The following XRCC6 variants were observed in gnomAD, a reference collection of about 807,000 sequenced individuals.
The protein encoded by XRCC6 is X-ray repair cross complementing 6.
Under a neutral mutation model 65.7 loss-of-function variants are expected in XRCC6, and 5 were observed. That is an observed-to-expected ratio of 0.08 (90% CI 0.04 to 0.16). The LOEUF (loss-of-function observed/expected upper bound fraction) is 0.16. XRCC6 is among the 10% of genes least tolerant of loss of function. XRCC6 has a pLI of 1.00. For synonymous variants in XRCC6, 270 were observed against 270.6 expected (o/e 1.00, Z 0.02); for missense variants, 447 against 738.1 (o/e 0.61, Z 4.57).
intron 12 of XRCC6, among the ~76,000 whole-genome samples, chr22:41,663,112 G>GT (rs941364151): frequency 6.6e-6 from 1 of 151,708 alleles, no homozygotes; most frequent in African/African-American, 2.4e-5. Context: ...TCCTTTTTTT[G>GT]TTTTTAGACA....
In XRCC6 at chr22:41,661,534, T is replaced by C. The variant is rs1030429382; in HGVS notation, c.1636+90T>C. The C allele has an allele frequency of 1.2e-5, 13 of 1,090,114 alleles. No homozygotes were observed. The Admixed American group carries it at 1.4e-4, about 12-fold the overall frequency. The allele number at this position is 1,090,114 out of a possible 1,614,324, so 67.5% of individuals were successfully genotyped here. On this transcript the variant is annotated intron_variant, in intron 12 of 12. Transcript: ENST00000360079. ...AGTGGGCAATATCCTTTCAGAAATA[T>C]CTATTCACAGTCTAGTTAAAATGGC...
intron 7 of XRCC6, 106 bp from the exon 8 acceptor site, chr22:41,650,617 C>A: frequency 8.1e-7 from 1 of 1,234,442 alleles, no homozygotes; most frequent in Non-Finnish European, 1.1e-6. Flanking sequence ...CATCTTCCTG[C>A]TCCTTAGAAG....
chr22:41,649,142 ATATATATATATAT>A (rs1569093141), intron 7 of XRCC6, among the ~76,000 whole-genome samples: 7 of 122,950 alleles, frequency 5.7e-5, no homozygotes, highest in Non-Finnish European at 9.6e-5. Context: ...AAAAAAAAAT[ATATATATATATAT>A]ATATATATGT....
At chr22:41,652,059 C>T (rs527500058) in intron 8 of XRCC6, among the ~76,000 whole-genome samples, 2 of 152,274 alleles carry the variant, frequency 1.3e-5, no homozygotes, top group South Asian at 4.1e-4. Context: ...GCTGAGATTA[C>T]AGGCGTGAGC....
intron 3 of XRCC6, among the ~76,000 whole-genome samples, chr22:41,634,663 A>G (rs887826106): frequency 8.0e-5 from 12 of 150,332 alleles, no homozygotes; most frequent in African/African-American, 1.7e-4. Flanking sequence ...TCCTGCCTCA[A>G]CCTCCTGAGT....
At chr22:41,634,284 C>G (rs2067786620) in intron 3 of XRCC6, among the ~76,000 whole-genome samples, 1 of 151,562 alleles carries the variant, frequency 6.6e-6, no homozygotes, top group Admixed American at 6.6e-5. Context: ...CTCCTGTGCT[C>G]AGGTGATCCT....
At chr22:41,650,917 T>C in intron 8 of XRCC6, 26 bp downstream of exon 8, 1 of 1,613,536 alleles carries the variant, frequency 6.2e-7, no homozygotes, top group East Asian at 2.2e-5. Flanking sequence ...CATGGATGAG[T>C]GACTCTAACA....
chr22:41,656,259 G>T (rs1490518050), intron 9 of XRCC6, among the ~76,000 whole-genome samples: 1 of 148,720 alleles, frequency 6.7e-6, no homozygotes, highest in Non-Finnish European at 1.5e-5. Context: ...GGTACCTCAC[G>T]TCTGTAATCC....
chr22:41,655,843 C>T (rs573559228), intron 9 of XRCC6, among the ~76,000 whole-genome samples: 11 of 151,872 alleles, frequency 7.2e-5, no homozygotes, highest in African/African-American at 2.7e-4. Flanking sequence ...TGCTTACCGA[C>T]GTGAGCCACC....
intron 3 of XRCC6, among the ~76,000 whole-genome samples, chr22:41,632,541 G>A (rs1372455304): frequency 6.6e-6 from 1 of 152,040 alleles, no homozygotes. Flanking sequence ...AACTGGGGAG[G>A]TGGACGTTGC....
intron 11 of XRCC6, among the ~76,000 whole-genome samples, chr22:41,658,789 G>T (rs1192407417): frequency 6.6e-6 from 1 of 152,136 alleles, no homozygotes; most frequent in Non-Finnish European, 1.5e-5. Context: ...AAATTAGCTG[G>T]GTGTGGTGGC....
At chr22:41,663,437 GT>G (rs1218456980) in intron 12 of XRCC6, among the ~76,000 whole-genome samples, 184 bp from the exon 13 acceptor site, 2 of 152,044 alleles carry the variant, frequency 1.3e-5, no homozygotes, top group African/African-American at 4.8e-5. Flanking sequence ...TGTGATCTGT[GT>G]TTTATTTTGC....
intron 1 of XRCC6, chr22:41,621,657 T>G: frequency 4.0e-6 from 1 of 247,068 alleles, no homozygotes; most frequent in Non-Finnish European, 8.0e-6. Context: ...TGGGCGGTAT[T>G]GAGGACGAGG....
At chr22:41,628,828 T>C (rs1467689507) in intron 3 of XRCC6, among the ~76,000 whole-genome samples, 1 of 151,736 alleles carries the variant, frequency 6.6e-6, no homozygotes, top group Non-Finnish European at 1.5e-5. Context: ...TAGCCAGGCA[T>C]GGTGGTGCGC....
chr22:41,636,270 T>G lies in XRCC6; in HGVS notation c.334+19T>G, dbSNP rs780469339. 2 of 1,573,136 alleles carry G rather than the reference T, an allele frequency of 1.3e-6. No individual in the cohort carries two copies. Among genetic ancestry groups the G allele is most frequent in the Non-Finnish European group, 1.7e-6 (2 of 1,165,934 alleles). On this transcript the variant is annotated intron_variant, in intron 4 of 12. Transcript: ENST00000360079. ...AATCCAGGTCAGTAATATTTTAAGATCAGCTTTTCCCTTATATATGAGAAT... is the reference window on the plus strand; with the variant it reads ...AATCCAGGTCAGTAATATTTTAAGAGCAGCTTTTCCCTTATATATGAGAAT...
intron 7 of XRCC6, among the ~76,000 whole-genome samples, chr22:41,649,247 G>A (rs1291033487): frequency 6.7e-6 from 1 of 148,574 alleles, no homozygotes; most frequent in Non-Finnish European, 1.5e-5. Context: ...GTTGACTGTA[G>A]CTTCAACCTC....
chr22:41,636,292 G>C, intron 4 of XRCC6, 41 bp downstream of exon 4: 2 of 1,557,356 alleles, frequency 1.3e-6, no homozygotes, highest in East Asian at 4.5e-5. Flanking sequence ...TTATATATGA[G>C]AATATCAGTA....
At chr22:41,655,256 A>G (rs1374307529) in intron 9 of XRCC6, among the ~76,000 whole-genome samples, 19 of 152,170 alleles carry the variant, frequency 1.2e-4, no homozygotes, top group Admixed American at 1.1e-3. Flanking sequence ...AATATATGCT[A>G]AGGTTGCTAA....
chr22:41,624,189 A>C (rs928425708), intron 2 of XRCC6, among the ~76,000 whole-genome samples: 1 of 151,776 alleles, frequency 6.6e-6, no homozygotes, highest in Non-Finnish European at 1.5e-5. Flanking sequence ...GTTCGAGACC[A>C]CCCTGGCCAA....
Sources: gnomAD v4.1 joint callset for allele counts (sites outside exome capture counted in the v4.1 genomes callset) on GRCh38, gnomAD v4.1.1 for gene constraint, MANE v1.5 for transcripts, NCBI Gene and HGNC (gene_info 2026-07-23, HGNC 2026-07-21) for gene names.